Variants in AGO1 observed in about 807,000 individuals in gnomAD.
AGO1 encodes argonaute RISC component 1, also known as protein argonaute-1.
AGO1 carries 11 observed loss-of-function variants against 109.2 expected under a neutral mutation model. That is an observed-to-expected ratio of 0.10 (90% CI 0.06 to 0.17). The LOEUF (loss-of-function observed/expected upper bound fraction) is 0.17, where lower values mean the gene tolerates loss of function less well. Ranked by LOEUF, AGO1 falls within the 10% of genes least tolerant of loss-of-function variation. AGO1 has a pLI of 1.00. For synonymous variants in AGO1, 422 were observed against 418.6 expected (o/e 1.01, Z -0.10); for missense variants, 574 against 1,140.3 (o/e 0.50, Z 7.15).
At position 35,907,139 on chromosome 1, in the gene AGO1, G is replaced by A; in HGVS notation, c.1582+20G>A. 1 of 1,594,160 alleles carries A rather than the reference G, an allele frequency of 6.3e-7. No individual in the cohort carries two copies. Among genetic ancestry groups the A allele is most frequent in the Non-Finnish European group, 8.6e-7 (1 of 1,168,560 alleles). Reference sequence around the variant, plus strand: ...TGTATGGTACAGTTCTCTTGGGACAGTGATAATGGTGATAGGACTCTTCTC... The same window carrying A: ...TGTATGGTACAGTTCTCTTGGGACAATGATAATGGTGATAGGACTCTTCTC... On this transcript the variant is annotated intron_variant, in intron 12 of 18. Transcript: ENST00000373204.
Position 35,918,329 on chromosome 1 carries a change from A to G in AGO1, c.2171A>G (p.Lys724Arg), listed in dbSNP as rs373512212. 48 of 1,613,362 alleles carry G rather than the reference A, an allele frequency of 3.0e-5. No individual in the cohort carries two copies. Among genetic ancestry groups the G allele is most frequent in the Non-Finnish European group, 7.6e-6 (9 of 1,179,394 alleles). ...FCADKNERIGKSGNIPAGTTV... is the reference protein window; with the variant it reads ...FCADKNERIGRSGNIPAGTTV... ...GTGTTTGTCTCTATACAGATTGGGAAGAGTGGTAACATCCCAGCTGGGACC... is the reference window on the plus strand; with the variant it reads ...GTGTTTGTCTCTATACAGATTGGGAGGAGTGGTAACATCCCAGCTGGGACC... Residue 724 changes from lysine to arginine, a missense_variant, in exon 17 of 19, where the codon AAG (lysine) becomes AGG (arginine). Physicochemically the swap from Lys to Arg is conservative, Grantham distance 26 (BLOSUM62 2). Coordinates refer to ENST00000373204, the MANE Select transcript of AGO1 (RefSeq NM_012199.5).
Position 35,901,483 on chromosome 1 carries a change from A to G in AGO1, c.1030A>G (p.Ile344Val), listed in dbSNP as rs200563862. The change falls in exon 9 of 19, where the codon ATT (isoleucine) becomes GTT (valine). Residue 344 changes from isoleucine (I) to valine (V), a missense_variant. Transcript: ENST00000373204. The surrounding 1 kb of genome is among the most constrained non-coding windows in gnomAD (Gnocchi z 4.8). ...HTYLPLEVCN[I>V]VAGQRCIKKL... Reference sequence around the variant, plus strand: ...CTTCTTGTTTCCTCAGGTCTGTAACATTGTGGCTGGGCAGCGCTGTATTAA... The same window carrying G: ...CTTCTTGTTTCCTCAGGTCTGTAACGTTGTGGCTGGGCAGCGCTGTATTAA... 1.2e-5 allele frequency: 19 copies of G among 1,614,028 alleles called. No homozygotes were observed. Among genetic ancestry groups the G allele is most frequent in the East Asian group, 2.2e-5 (1 of 44,870 alleles).
At chr1:35,912,395 A>G (rs1485239736) in intron 12 of AGO1, among the ~76,000 whole-genome samples, 1 of 150,566 alleles carries the variant, frequency 6.6e-6, no homozygotes, top group Non-Finnish European at 1.5e-5. Flanking sequence ...CATGCCTTCA[A>G]CTACTACCTG....
At chr1:35,903,377 C>A (rs574087402) in intron 11 of AGO1, among the ~76,000 whole-genome samples, 1 of 150,928 alleles carries the variant, frequency 6.6e-6, no homozygotes, top group East Asian at 2.0e-4. Context: ...TTCATAGATA[C>A]AACATACAGT....
chr1:35,910,958 C>G (rs377356746), intron 12 of AGO1, among the ~76,000 whole-genome samples: 1 of 152,018 alleles, frequency 6.6e-6, no homozygotes, highest in Non-Finnish European at 1.5e-5. Context: ...CCCAGCTACT[C>G]GGGAGGCTGA....
At chr1:35,890,126 G>C (rs1394589381) in intron 2 of AGO1, among the ~76,000 whole-genome samples, 2 of 151,638 alleles carry the variant, frequency 1.3e-5, no homozygotes, top group East Asian at 3.9e-4. Flanking sequence ...GGGTTCAAGC[G>C]ATTCTTCTGC....
rs1303485612 is a variant in AGO1, at chr1:35,917,586, T to A, written c.2029-7T>A. ...CTTTGTTTCCCTCCCCATTTTTTTG[T>A]GCCTAGATACTCCACTATGAGCTAC... On this transcript the variant is annotated splice_region_variant and splice_polypyrimidine_tract_variant and intron_variant, in intron 15 of 18. Coordinates refer to ENST00000373204, the MANE Select transcript of AGO1 (RefSeq NM_012199.5). 5.6e-6 allele frequency: 9 copies of A among 1,608,622 alleles called. No individual in the cohort carries two copies. Among genetic ancestry groups the A allele is most frequent in the Non-Finnish European group, 7.7e-6 (9 of 1,175,960 alleles).
In AGO1 at chr1:35,929,754, T is replaced by G. The variant is rs754003469; in HGVS notation, c.*10147T>G. The G allele has an allele frequency of 6.6e-6, 1 of 152,186 alleles. No homozygotes were observed. The highest frequency in any genetic ancestry group is 1.5e-5 in the Non-Finnish European group (1 of 68,040). The allele number at this position is 152,186 out of a possible 1,614,324, so 9.4% of individuals were successfully genotyped here. A position where few individuals can be genotyped will look rare whatever the true frequency, so the allele number is the denominator to read the frequency against. On this transcript the variant is annotated 3_prime_UTR_variant, in exon 19 of 19. Transcript: ENST00000373204. ...GTCCCATACATTTATTGTTTAATAT[T>G]ATATGGTAAGTACTTTAAAATGGTA... is the stretch of plus-strand genomic sequence containing the variant.
At position 35,925,559 on chromosome 1, in the gene AGO1, C is replaced by G. The variant is rs1557630522; in HGVS notation, c.*5952C>G. 6.6e-6 allele frequency: 1 copy of G among 151,030 alleles called. No homozygotes were observed. 9.4% of individuals were successfully genotyped at this position (151,030 alleles called of 1,614,324 possible). A position where few individuals can be genotyped will look rare whatever the true frequency, so the allele number is the denominator to read the frequency against. On this transcript the variant is annotated 3_prime_UTR_variant, in exon 19 of 19. Coordinates refer to ENST00000373204, the MANE Select transcript of AGO1 (RefSeq NM_012199.5). ...GTCATCTCAGGGTCATGGCATATACCAACAGATCAGTATGTGCAAATATAA... is the reference window on the plus strand; with the variant it reads ...GTCATCTCAGGGTCATGGCATATACGAACAGATCAGTATGTGCAAATATAA...
intron 2 of AGO1, among the ~76,000 whole-genome samples, chr1:35,892,323 C>T (rs1645235196): frequency 6.6e-6 from 1 of 152,244 alleles, no homozygotes; most frequent in African/African-American, 2.4e-5. Context: ...CACTTAGGAG[C>T]ATGCTAGAAA....
chr1:35,898,343 G>A (rs912492529), intron 8 of AGO1, among the ~76,000 whole-genome samples: 15 of 150,948 alleles, frequency 9.9e-5, no homozygotes, highest in Non-Finnish European at 2.9e-5. Context: ...TGCAAGCTCC[G>A]CCTCCTGGGT....
chr1:35,917,818 G>C, intron 16 of AGO1, 91 bp downstream of exon 16: 1 of 1,521,234 alleles, frequency 6.6e-7, no homozygotes, highest in Admixed American at 1.9e-5. Flanking sequence ...TGGGGATTTA[G>C]TCCTTGTCCT....
Position 35,926,552 on chromosome 1 carries a change from C to T in AGO1, c.*6945C>T, listed in dbSNP as rs1337824283. ...GCAAGGAAAAGCCTAGTTGGAATTTCTGAGTCTGGGCCATCCTTAAGCTGC... is the reference window on the plus strand; with the variant it reads ...GCAAGGAAAAGCCTAGTTGGAATTTTTGAGTCTGGGCCATCCTTAAGCTGC... On this transcript the variant is annotated 3_prime_UTR_variant, in exon 19 of 19. Coordinates refer to ENST00000373204, the MANE Select transcript of AGO1 (RefSeq NM_012199.5). 1 of 152,172 alleles carries T rather than the reference C, an allele frequency of 6.6e-6. No individual in the cohort carries two copies. Among genetic ancestry groups the T allele is most frequent in the African/African-American group, 2.4e-5 (1 of 41,438 alleles). 9.4% of individuals were successfully genotyped at this position (152,172 alleles called of 1,614,324 possible).
Position 35,893,775 on chromosome 1 carries a change from G to A in AGO1, c.614G>A (p.Arg205His), listed in dbSNP as rs1385468503. 6.2e-7 allele frequency: 1 copy of A among 1,613,788 alleles called. No homozygotes were observed. The highest frequency in any genetic ancestry group is 1.1e-5 in the South Asian group (1 of 91,062). Residue 205 changes from arginine to histidine, a missense_variant, in exon 5 of 19, where the codon CGC (arginine) becomes CAC (histidine). Transcript: ENST00000373204. This position sits in a 1 kb window ranked among gnomAD's most constrained non-coding sequence, Gnocchi z 5.6. ...TGGTTCGGCTTTCACCAGTCTGTGC[G>A]CCCTGCCATGTGGAAGATGATGCTC... is the stretch of plus-strand genomic sequence containing the variant. ...EVWFGFHQSVRPAMWKMMLNI... is the reference protein window; with the variant it reads ...EVWFGFHQSVHPAMWKMMLNI...
At chr1:35,896,196 T>C (rs1645315077) in intron 8 of AGO1, among the ~76,000 whole-genome samples, 1 of 151,960 alleles carries the variant, frequency 6.6e-6, no homozygotes, top group South Asian at 2.1e-4. Flanking sequence ...ACGGGGTTTC[T>C]CCATGTTGGT....
At position 35,901,884 on chromosome 1, in the gene AGO1, C is replaced by G. The variant is rs1480281342; in HGVS notation, c.1141-64C>G. On this transcript the variant is annotated intron_variant, in intron 9 of 18. Transcript: ENST00000373204. The surrounding 1 kb of genome is among the most constrained non-coding windows in gnomAD (Gnocchi z 4.8). The stretch of plus-strand genomic sequence containing the variant: ...TCTCCTTAGGGTTCTCTCCTTGATA[C>G]CCAGAGGGTGAGCAGTATTGCCAAG... 4 of 1,530,588 alleles carry G rather than the reference C, an allele frequency of 2.6e-6. No individual in the cohort carries two copies. Among genetic ancestry groups the G allele is most frequent in the African/African-American group, 1.4e-5 (1 of 72,010 alleles). The allele number at this position is 1,530,588 out of a possible 1,614,324, so 94.8% of individuals were successfully genotyped here.
intron 11 of AGO1, among the ~76,000 whole-genome samples, chr1:35,903,501 A>G (rs1645459641): frequency 6.6e-6 from 1 of 152,104 alleles, no homozygotes; most frequent in African/African-American, 2.4e-5. Flanking sequence ...CATTTTGGCT[A>G]GACAAGGGTA....
chr1:35,897,802 G>A (rs890866524), intron 8 of AGO1, among the ~76,000 whole-genome samples: 11 of 152,098 alleles, frequency 7.2e-5, no homozygotes, highest in African/African-American at 2.7e-4. Context: ...AAAATGATTA[G>A]GTAGTTTTAG....
At position 35,928,715 on chromosome 1, in the gene AGO1, AT is replaced by A. The variant is rs1208604089; in HGVS notation, c.*9112del. 1 of 152,226 alleles carries A rather than the reference AT, an allele frequency of 6.6e-6. No individual in the cohort carries two copies. Among genetic ancestry groups the A allele is most frequent in the East Asian group, 1.9e-4 (1 of 5,172 alleles). The allele number at this position is 152,226 out of a possible 1,614,324, so 9.4% of individuals were successfully genotyped here. Reference sequence around the variant, plus strand: ...TTCCCAGTCTGTGGCTTGCCTTTTCATTTTGAAGAGCAAAAGTTTAAAATTT... The same window carrying A: ...TTCCCAGTCTGTGGCTTGCCTTTTCATTTGAAGAGCAAAAGTTTAAAATTT... On this transcript the variant is annotated 3_prime_UTR_variant, in exon 19 of 19. Transcript: ENST00000373204.
Sources: allele counts gnomAD v4.1 joint callset (sites outside exome capture counted in the v4.1 genomes callset), GRCh38; gene constraint gnomAD v4.1.1; non-coding constraint Gnocchi (gnomAD v3.1); transcripts MANE v1.5; gene names NCBI Gene and HGNC (gene_info 2026-07-23, HGNC 2026-07-21).